UBE2Q2: variants seen among roughly 807,000 people sequenced by gnomAD.
UBE2Q2 encodes the protein ubiquitin-conjugating enzyme E2 Q2.
Under a neutral mutation model 59.9 loss-of-function variants are expected in UBE2Q2, and 54 were observed. The ratio of observed to expected loss-of-function variants is 0.90; its 90% CI spans 0.72 to 1.13. The LOEUF (loss-of-function observed/expected upper bound fraction) is 1.13. Among genes scored for constraint, UBE2Q2 ranks in the 50% most tolerant of loss-of-function variants. UBE2Q2 has a pLI of 0.00. For synonymous variants in UBE2Q2, 165 were observed against 155.2 expected (o/e 1.06, Z -0.47); for missense variants, 433 against 441.9 (o/e 0.98, Z 0.18).
intron 9 of UBE2Q2, among the ~76,000 whole-genome samples, chr15:75,886,780 G>C (rs1898800210): frequency 6.6e-6 from 1 of 151,884 alleles, no homozygotes; most frequent in South Asian, 2.1e-4. Context: ...CCAGCTCATC[G>C]GGAAGCTGAG....
intron 11 of UBE2Q2, among the ~76,000 whole-genome samples, chr15:75,894,447 C>T (rs1018701187): frequency 2.0e-5 from 3 of 151,846 alleles, no homozygotes; most frequent in Admixed American, 1.3e-4. Context: ...AGCTGGGCAT[C>T]GTGGCAGGCG....
intron 1 of UBE2Q2, among the ~76,000 whole-genome samples, chr15:75,852,607 C>T (rs1336370390): frequency 6.6e-6 from 1 of 152,076 alleles, no homozygotes; most frequent in South Asian, 2.1e-4. Context: ...ATAATGAGAT[C>T]CTAAGTGTAG....
intron 5 of UBE2Q2, among the ~76,000 whole-genome samples, chr15:75,875,285 A>G (rs1898014440): frequency 2.1e-5 from 1 of 48,222 alleles, no homozygotes. Flanking sequence ...GAAATGAGCT[A>G]GGAAACTTGA....
At position 75,882,014 on chromosome 15, in the gene UBE2Q2, C is replaced by T. The variant is rs75640399; in HGVS notation, c.826-1352C>T. Among the ~76,000 whole-genome samples, 887 of 152,228 alleles carry T rather than the reference C, an allele frequency of 5.8e-3. 10 individuals carry two copies. Among genetic ancestry groups the T allele is most frequent in the African/African-American group, 0.02 (842 of 41,540 alleles). The stretch of plus-strand genomic sequence containing the variant: ...AGGAGAACATGAGGGTTGATGTTAT[C>T]TTGTCTTCAGCTATTTGAAGGACTG... On this transcript the variant is annotated intron_variant, in intron 8 of 12. Transcript: ENST00000267938.
At chr15:75,848,038 G>T (rs1896442871) in intron 1 of UBE2Q2, among the ~76,000 whole-genome samples, 2 of 152,142 alleles carry the variant, frequency 1.3e-5, no homozygotes, top group Admixed American at 1.3e-4. Context: ...CTAGGAGGAA[G>T]TGAGAAGTTT....
At chr15:75,850,447 A>C (rs959955022) in intron 1 of UBE2Q2, among the ~76,000 whole-genome samples, 1 of 152,160 alleles carries the variant, frequency 6.6e-6, no homozygotes, top group African/African-American at 2.4e-5. Flanking sequence ...TGACCACCCC[A>C]AGGTGGCCAT....
At chr15:75,856,269 G>GTGTATATATATATATATA (rs1256142539) in intron 2 of UBE2Q2, among the ~76,000 whole-genome samples, 9 of 139,282 alleles carry the variant, frequency 6.5e-5, no homozygotes, top group African/African-American at 2.5e-4. Flanking sequence ...GTGTGTGTGT[G>GTGTATATATATATATATA]TATATATATA....
In UBE2Q2 at chr15:75,879,207, G is replaced by A. The variant is rs540083595; in HGVS notation, c.825+19G>A. On this transcript the variant is annotated intron_variant, in intron 8 of 12. Transcript: ENST00000267938. ...TTTTAAGGTAAGAAAATAGTTACAG[G>A]ACCCCATATACTTCCAGTGGGGTGC... 967 of 1,469,040 alleles carry A rather than the reference G, an allele frequency of 6.6e-4. 8 individuals carry two copies. In the South Asian group the frequency reaches 0.011, roughly 16 times the overall value. The allele number at this position is 1,469,040 out of a possible 1,614,324, so 91.0% of individuals were successfully genotyped here.
At chr15:75,887,209 A>G (rs1327156942) in intron 9 of UBE2Q2, among the ~76,000 whole-genome samples, 1 of 152,174 alleles carries the variant, frequency 6.6e-6, no homozygotes, top group Non-Finnish European at 1.5e-5. Flanking sequence ...TAAAAGTACT[A>G]AGTACTCCAT....
intron 8 of UBE2Q2, among the ~76,000 whole-genome samples, chr15:75,880,682 G>C (rs1385400335): frequency 6.6e-6 from 1 of 151,980 alleles, no homozygotes; most frequent in Non-Finnish European, 1.5e-5. Flanking sequence ...TGTATTTTTA[G>C]TAGAGATGGG....
intron 11 of UBE2Q2, among the ~76,000 whole-genome samples, chr15:75,895,608 T>C (rs192865184): frequency 1.3e-5 from 2 of 152,072 alleles, no homozygotes; most frequent in East Asian, 3.9e-4. Context: ...AAAGTCTGTT[T>C]ACAGAAATAG....
At chr15:75,880,278 A>G (rs1898331113) in intron 8 of UBE2Q2, among the ~76,000 whole-genome samples, 1 of 151,652 alleles carries the variant, frequency 6.6e-6, no homozygotes, top group South Asian at 2.1e-4. Flanking sequence ...ATGCCCGGCT[A>G]ATTTTTTTAT....
In UBE2Q2 at chr15:75,862,257, G is replaced by T. The variant is rs1897238306; in HGVS notation, c.387+2275G>T. 2.0e-5 allele frequency among the ~76,000 whole-genome samples: 3 copies of T among 152,242 alleles called. No individual in the cohort carries two copies. The South Asian group carries it at 6.2e-4, about 32-fold the overall frequency. ...GACCAACTCCCAAGATGAGCCCTGA[G>T]TTCTAAGAACCTTTTCTTCGCTGGT... On this transcript the variant is annotated intron_variant, in intron 3 of 12. Transcript: ENST00000267938.
chr15:75,869,385 T>C (rs568942925), intron 4 of UBE2Q2, among the ~76,000 whole-genome samples: 2 of 152,254 alleles, frequency 1.3e-5, no homozygotes, highest in Non-Finnish European at 2.9e-5. Flanking sequence ...TAGGGACTAC[T>C]CGCCAGAAGT....
At chr15:75,879,984 T>C (rs951591508) in intron 8 of UBE2Q2, among the ~76,000 whole-genome samples, 3 of 152,222 alleles carry the variant, frequency 2.0e-5, no homozygotes, top group Admixed American at 1.3e-4. Context: ...GGATACTGGC[T>C]GGAATATATT....
intron 12 of UBE2Q2, among the ~76,000 whole-genome samples, chr15:75,899,105 C>CAA (rs34292081): frequency 1.0e-3 from 116 of 111,050 alleles, no homozygotes; most frequent in Middle Eastern, 4.2e-3. Context: ...TACTAAATAC[C>CAA]AAAAAAAAAA....
intron 5 of UBE2Q2, among the ~76,000 whole-genome samples, chr15:75,875,461 TTTC>T (rs1270514053): frequency 1.3e-5 from 2 of 152,234 alleles, no homozygotes. Flanking sequence ...TAGGCAGATG[TTTC>T]TCAGTGTCTT....
In UBE2Q2 at chr15:75,853,658, A is replaced by G. The variant is rs139093137; in HGVS notation, c.181-728A>G. Among the ~76,000 whole-genome samples, 366 of 152,244 alleles carry G rather than the reference A, an allele frequency of 2.4e-3. 5 individuals carry two copies. The highest frequency in any genetic ancestry group is 8.5e-3 in the African/African-American group (352 of 41,544). ...CAAATTTATCAGCTTAAAGCAACAA[A>G]CATTATCTCACCATTTCTGTGGGTC... On this transcript the variant is annotated intron_variant, in intron 1 of 12. Transcript: ENST00000267938.
intron 1 of UBE2Q2, among the ~76,000 whole-genome samples, chr15:75,848,557 A>G (rs1322035542): frequency 3.3e-5 from 5 of 152,178 alleles, no homozygotes; most frequent in Non-Finnish European, 5.9e-5. Flanking sequence ...GTGGTTATTT[A>G]TGCTCCCTCA....
Sources: allele counts gnomAD v4.1 joint callset (sites outside exome capture counted in the v4.1 genomes callset), GRCh38; gene constraint gnomAD v4.1.1; transcripts MANE v1.5; gene names NCBI Gene and HGNC (gene_info 2026-07-23, HGNC 2026-07-21).